Variants in AKT3 observed in about 807,000 individuals in gnomAD.
The protein encoded by AKT3 is RAC-gamma serine/threonine-protein kinase.
AKT3 carries 15 observed loss-of-function variants against 65.3 expected under a neutral mutation model. That is an observed-to-expected ratio of 0.23 (90% CI 0.15 to 0.35). The LOEUF (loss-of-function observed/expected upper bound fraction) is 0.35. Ranked by LOEUF, AKT3 falls within the 10% of genes least tolerant of loss-of-function variation. The pLI is 1.00. For synonymous variants in AKT3, 206 were observed against 183.8 expected, an observed-to-expected ratio of 1.12 and a Z score of -0.98; for missense variants, 243 against 576.5, an observed-to-expected ratio of 0.42 and a Z score of 5.92.
At chr1:243,590,058 A>G (rs774402676) in intron 8 of AKT3, among the ~76,000 whole-genome samples, 4 of 152,156 alleles carry the variant, frequency 2.6e-5, no homozygotes, top group Non-Finnish European at 5.9e-5. Flanking sequence ...CAGAAACAGA[A>G]AGTAGAATGA....
intron 8 of AKT3, among the ~76,000 whole-genome samples, chr1:243,607,721 C>A (rs1332604664): frequency 6.6e-6 from 1 of 152,042 alleles, no homozygotes; most frequent in African/African-American, 2.4e-5. Context: ...TGGGAGGGGC[C>A]AGGAGCAGAA....
intron 2 of AKT3, among the ~76,000 whole-genome samples, chr1:243,774,326 T>C (rs1224459246): frequency 2.0e-5 from 3 of 152,218 alleles, no homozygotes; most frequent in East Asian, 3.8e-4. Context: ...TTTCCTGTGT[T>C]TATACCATTG....
chr1:243,589,515 A>G (rs972958635), intron 8 of AKT3, among the ~76,000 whole-genome samples: 1 of 152,154 alleles, frequency 6.6e-6, no homozygotes, highest in African/African-American at 2.4e-5. Context: ...GATGGCTATT[A>G]TAAAAAAGAT....
intron 12 of AKT3, among the ~76,000 whole-genome samples, chr1:243,516,397 A>C (rs1311626456): frequency 1.3e-5 from 2 of 152,234 alleles, no homozygotes; most frequent in Non-Finnish European, 2.9e-5. Context: ...TGAGAAATAC[A>C]TCAATTTTAA....
Position 243,527,896 on chromosome 1 carries a change from C to CACAAGCAAGACTCCATCTCTTAAA in AKT3, c.1252-15471_1252-15470insTTTAAGAGATGGAGTCTTGCTTGT, listed in dbSNP as rs1204165143. On this transcript the variant is annotated intron_variant, in intron 12 of 13. Transcript: ENST00000673466. ...ACACACACACACACACACACACACA[C>CACAAGCAAGACTCCATCTCTTAAA]ACACACACACACACACACACACACA... Among the ~76,000 whole-genome samples, 57 of 104,628 alleles carry CACAAGCAAGACTCCATCTCTTAAA rather than the reference C, an allele frequency of 5.4e-4. 2 individuals carry two copies. The highest frequency in any genetic ancestry group is 2.0e-3 in the African/African-American group (52 of 25,480). The allele number at this position is 104,628 out of a possible 152,430, so 68.6% of individuals were successfully genotyped here. A position where few individuals can be genotyped will look rare whatever the true frequency, so the allele number is the denominator to read the frequency against.
chr1:243,560,487 A>G (rs1673697643), intron 10 of AKT3, among the ~76,000 whole-genome samples: 1 of 152,132 alleles, frequency 6.6e-6, no homozygotes, highest in African/African-American at 2.4e-5. Flanking sequence ...AAAAGTTACA[A>G]TTTCGTAAGT....
chr1:243,799,407 C>T (rs945061335), intron 2 of AKT3, among the ~76,000 whole-genome samples: 1 of 152,168 alleles, frequency 6.6e-6, no homozygotes, highest in African/African-American at 2.4e-5. Flanking sequence ...GAGAACTGCA[C>T]ATTTACCACA....
At position 243,583,000 on chromosome 1, in the gene AKT3, TA is replaced by T. The variant is rs556576980; in HGVS notation, c.697-9953del. ...AAACAGACTTCAAACTAACAGCAGT[TA>T]AAAAAAAAAAAGACAAAGAAGAGTA... is the stretch of plus-strand genomic sequence containing the variant. On this transcript the variant is annotated intron_variant, in intron 8 of 13. Coordinates refer to ENST00000673466, the MANE Select transcript of AKT3 (RefSeq NM_005465.7). 9.6e-3 allele frequency among the ~76,000 whole-genome samples: 1,307 copies of T among 136,006 alleles called. 5 individuals carry two copies. Among genetic ancestry groups the T allele is most frequent in the Non-Finnish European group, 0.011 (713 of 62,378 alleles). The allele number at this position is 136,006 out of a possible 152,430, so 89.2% of individuals were successfully genotyped here.
intron 13 of AKT3, among the ~76,000 whole-genome samples, chr1:243,489,839 G>C (rs1665945452): frequency 6.6e-6 from 1 of 152,186 alleles, no homozygotes; most frequent in Admixed American, 6.5e-5. Flanking sequence ...GGTTAGATCC[G>C]GGGCCACCAG....
At chr1:243,755,433 A>C (rs6667382) in intron 2 of AKT3, among the ~76,000 whole-genome samples, 6,673 of 152,088 alleles carry the variant, frequency 0.044, 207 homozygotes, top group African/African-American at 0.086. Context: ...CATATGTGCA[A>C]ACCCACCTGA....
intron 5 of AKT3, among the ~76,000 whole-genome samples, chr1:243,642,271 G>A (rs1428876612): frequency 6.6e-6 from 1 of 152,164 alleles, no homozygotes; most frequent in Non-Finnish European, 1.5e-5. Flanking sequence ...TGGTCTTCTG[G>A]ATGATGTTAT....
intron 8 of AKT3, among the ~76,000 whole-genome samples, chr1:243,609,698 A>G: frequency 6.6e-6 from 1 of 152,198 alleles, no homozygotes; most frequent in East Asian, 1.9e-4. Context: ...ATACTTATCT[A>G]TAGCCCAATC....
intron 2 of AKT3, among the ~76,000 whole-genome samples, chr1:243,727,838 G>C (rs1445005481): frequency 6.6e-6 from 1 of 151,996 alleles, no homozygotes. Context: ...TAAAAAATTT[G>C]ATATAATCTT....
intron 10 of AKT3, among the ~76,000 whole-genome samples, chr1:243,556,375 G>A (rs1673409052): frequency 6.6e-6 from 1 of 151,746 alleles, no homozygotes; most frequent in South Asian, 2.1e-4. Flanking sequence ...ATATTTATTT[G>A]GCTAATGGGC....
At chr1:243,798,749 G>C (rs1161673858) in intron 2 of AKT3, among the ~76,000 whole-genome samples, 1 of 151,998 alleles carries the variant, frequency 6.6e-6, no homozygotes, top group African/African-American at 2.4e-5. Flanking sequence ...ACAACATCCA[G>C]CTTTTTTGAA....
At chr1:243,710,041 T>C (rs1193552051) in intron 2 of AKT3, among the ~76,000 whole-genome samples, 1 of 152,154 alleles carries the variant, frequency 6.6e-6, no homozygotes, top group Non-Finnish European at 1.5e-5. Context: ...GCAAGATGCC[T>C]TAAACAATAT....
intron 12 of AKT3, among the ~76,000 whole-genome samples, chr1:243,533,404 A>G (rs1031175314): frequency 6.6e-6 from 1 of 152,224 alleles, no homozygotes; most frequent in Non-Finnish European, 1.5e-5. Flanking sequence ...ACTATTAGCC[A>G]ATTCTATCAC....
chr1:243,594,065 A>G (rs1199485156), intron 8 of AKT3, among the ~76,000 whole-genome samples: 1 of 152,228 alleles, frequency 6.6e-6, no homozygotes, highest in African/African-American at 2.4e-5. Flanking sequence ...GAAATTTAGA[A>G]AAAGGGTTTC....
chr1:243,644,425 C>T (rs535157754), intron 5 of AKT3, among the ~76,000 whole-genome samples: 1 of 152,054 alleles, frequency 6.6e-6, no homozygotes, highest in Non-Finnish European at 1.5e-5. Context: ...CTGGCTCCCA[C>T]CCTGTGTGTA....
Sources: gnomAD v4.1 joint callset for allele counts (sites outside exome capture counted in the v4.1 genomes callset) on GRCh38, gnomAD v4.1.1 for gene constraint, MANE v1.5 for transcripts, NCBI Gene and HGNC (gene_info 2026-07-23, HGNC 2026-07-21) for gene names.